Variants in FREM1 observed in about 807,000 individuals in gnomAD.
FREM1 encodes FRAS1 related extracellular matrix 1, also known as FRAS1-related extracellular matrix protein 1.
FREM1 carries 220 observed loss-of-function variants against 210.1 expected under a neutral mutation model. That is an observed-to-expected ratio of 1.05 (90% CI 0.94 to 1.17). FREM1 has a LOEUF of 1.17. Among genes scored for constraint, FREM1 ranks in the 50% most tolerant of loss-of-function variants. FREM1 has a pLI of 0.00. For missense variants in FREM1, 3,454 were observed against 2,675.5 expected, an observed-to-expected ratio of 1.29 and a Z score of -6.42; for synonymous variants, 1,189 against 980.2, an observed-to-expected ratio of 1.21 and a Z score of -3.98.
rs139825561 is a variant in FREM1 at position 14,836,094 on chromosome 9, G to T, written c.1881+5353C>A. 3.9e-5 allele frequency among the ~76,000 whole-genome samples: 6 copies of T among 152,320 alleles called. No individual in the cohort carries two copies. Among genetic ancestry groups the T allele is most frequent in the South Asian group, 4.1e-4 (2 of 4,828 alleles). On this transcript the variant is annotated intron_variant, in intron 10 of 36. Transcript: ENST00000380880. The surrounding 1 kb of genome is among the most constrained non-coding windows in gnomAD (Gnocchi z 4.9). The stretch of plus-strand genomic sequence containing the variant: ...GTGCCCATAACTCTGAGCTTTCTTT[G>T]TTTGGGAAAATAAAACCAAGGAACT...
In FREM1 at chr9:14,748,458, G is replaced by C; in HGVS notation, c.5739C>G (p.Gly1913=). 2 of 1,613,732 alleles carry C rather than the reference G, an allele frequency of 1.2e-6. No individual in the cohort carries two copies. Among genetic ancestry groups the C allele is most frequent in the Non-Finnish European group, 1.7e-6 (2 of 1,179,760 alleles). ...LAVIRGDTLR[G]FDSTDLSQRK... ...TTTGAGAAAGATCTGTAGAATCAAAGCCCCGCAGGGTGTCTCCCCTGATGA... is the reference window on the plus strand; with the variant it reads ...TTTGAGAAAGATCTGTAGAATCAAACCCCCGCAGGGTGTCTCCCCTGATGA... The change falls in exon 31 of 37, where the codon GGC becomes GGG. Residue 1913 remains glycine (G), a synonymous_variant. Coordinates refer to ENST00000380880, the MANE Select transcript of FREM1 (RefSeq NM_001379081.2).
At chr9:14,827,750 C>T (rs781033191) in intron 10 of FREM1, among the ~76,000 whole-genome samples, 15 of 152,176 alleles carry the variant, frequency 9.9e-5, no homozygotes, top group Non-Finnish European at 1.3e-4. Flanking sequence ...AATGCCAGGG[C>T]CTTGAGGACA....
chr9:14,801,252 T>C (rs1817233821), intron 20 of FREM1, among the ~76,000 whole-genome samples: 1 of 152,116 alleles, frequency 6.6e-6, no homozygotes, highest in Non-Finnish European at 1.5e-5. Context: ...CCTGTCTTCG[T>C]CTCCCAAAGT....
At chr9:14,809,936 C>A (rs994831004) in intron 16 of FREM1, among the ~76,000 whole-genome samples, 1 of 152,032 alleles carries the variant, frequency 6.6e-6, no homozygotes, top group African/African-American at 2.4e-5. Flanking sequence ...CATGAAATTG[C>A]TACTATTAAA....
chr9:14,796,840 C>A (rs937080793), intron 21 of FREM1, among the ~76,000 whole-genome samples: 1 of 152,200 alleles, frequency 6.6e-6, no homozygotes. Context: ...AACCTCTTTT[C>A]TTTATAAGTT....
At chr9:14,755,456 T>G (rs1027867045) in intron 29 of FREM1, among the ~76,000 whole-genome samples, 2 of 152,166 alleles carry the variant, frequency 1.3e-5, no homozygotes, top group Admixed American at 6.5e-5. Context: ...CACAGTCCTG[T>G]CTGCTTCTCC....
chr9:14,908,073 G>T (rs937986898), intron 1 of FREM1, among the ~76,000 whole-genome samples: 2 of 152,112 alleles, frequency 1.3e-5, no homozygotes, highest in African/African-American at 4.8e-5. Flanking sequence ...AATGAGGAAA[G>T]AAAAGAAAGC....
intron 1 of FREM1, among the ~76,000 whole-genome samples, chr9:14,877,227 T>C (rs906750889): frequency 3.3e-5 from 5 of 152,030 alleles, no homozygotes; most frequent in African/African-American, 1.2e-4. Flanking sequence ...ACCTCTAGCC[T>C]GGACCCTCTT....
At chr9:14,776,240 T>C (rs768886998) in intron 24 of FREM1, 37 bp from the exon 25 acceptor site, 1 of 1,504,984 alleles carries the variant, frequency 6.6e-7, no homozygotes, top group Admixed American at 2.3e-5. Flanking sequence ...CAGCATGGAT[T>C]CTTGTGTCAC....
intron 24 of FREM1, among the ~76,000 whole-genome samples, chr9:14,782,149 C>A (rs1371116967): frequency 1.3e-5 from 2 of 152,204 alleles, no homozygotes; most frequent in Non-Finnish European, 2.9e-5. Flanking sequence ...ACTGGACTTA[C>A]CAAAGTTGCC....
chr9:14,770,406 G>T (rs915535072), intron 26 of FREM1, among the ~76,000 whole-genome samples, 199 bp downstream of exon 26: 1 of 152,082 alleles, frequency 6.6e-6, no homozygotes, highest in Non-Finnish European at 1.5e-5. Flanking sequence ...TCAGTATTTG[G>T]TTCTTCCAGT....
chr9:14,859,179 A>C lies in FREM1; in HGVS notation c.631+4T>G. 6.4e-7 allele frequency: 1 copy of C among 1,568,498 alleles called. No individual in the cohort carries two copies. Among genetic ancestry groups the C allele is most frequent in the East Asian group, 2.2e-5 (1 of 44,490 alleles). On this transcript the variant is annotated splice_donor_region_variant and intron_variant, in intron 4 of 36. Coordinates refer to ENST00000380880, the MANE Select transcript of FREM1 (RefSeq NM_001379081.2). The stretch of plus-strand genomic sequence containing the variant: ...ACCCAGAAAGGCATTAAAAGACATC[A>C]TACGGGACTCTGGGAAAAAACTGTG...
chr9:14,840,449 A>G (rs1398377945), intron 10 of FREM1, among the ~76,000 whole-genome samples: 1 of 152,210 alleles, frequency 6.6e-6, no homozygotes, highest in Non-Finnish European at 1.5e-5. Flanking sequence ...GGCAGAAGGC[A>G]AAAAGGATCA....
chr9:14,857,716 C>T lies in FREM1; in HGVS notation c.665G>A (p.Ser222Asn), dbSNP rs774163557. ...LRAKLKCPGG[S>N]CTPGLKKIGS... ...TATTTTCTTTAATCCTGGGGTACAGCTCCCACCTGGACACTTCAGTTTTGC... is the reference window on the plus strand; with the variant it reads ...TATTTTCTTTAATCCTGGGGTACAGTTCCCACCTGGACACTTCAGTTTTGC... The change falls in exon 5 of 37, where the codon AGC (serine) becomes AAC (asparagine). Residue 222 changes from serine to asparagine, a missense_variant. Ser to Asn is a conservative substitution (Grantham distance 46, BLOSUM62 1). Coordinates refer to ENST00000380880, the MANE Select transcript of FREM1 (RefSeq NM_001379081.2). 6 of 1,611,836 alleles carry T rather than the reference C, an allele frequency of 3.7e-6. No individual in the cohort carries two copies. Among genetic ancestry groups the T allele is most frequent in the Non-Finnish European group, 5.1e-6 (6 of 1,178,816 alleles).
intron 35 of FREM1, among the ~76,000 whole-genome samples, chr9:14,740,571 T>C (rs1841390419): frequency 6.6e-6 from 1 of 152,212 alleles, no homozygotes; most frequent in Non-Finnish European, 1.5e-5. Context: ...AAAATACTAT[T>C]CTTCTCATAA....
At chr9:14,759,748 T>C (rs2132256161) in intron 28 of FREM1, 24 bp downstream of exon 28, 1 of 1,546,324 alleles carries the variant, frequency 6.5e-7, no homozygotes, top group Non-Finnish European at 8.7e-7. Context: ...TTTAGCTTGA[T>C]AATTTACATT....
chr9:14,778,462 T>G (rs1157808912), intron 24 of FREM1, among the ~76,000 whole-genome samples: 1 of 149,414 alleles, frequency 6.7e-6, no homozygotes, highest in Non-Finnish European at 1.5e-5. Flanking sequence ...AATACAAAAT[T>G]TAGCTGGGTG....
intron 6 of FREM1, among the ~76,000 whole-genome samples, chr9:14,849,426 C>T (rs77485157): frequency 1.9e-3 from 284 of 152,220 alleles, no homozygotes; most frequent in African/African-American, 6.2e-3. Context: ...GTAGGGGCTG[C>T]GTGATAAGTT....
chr9:14,759,707 A>G lies in FREM1; in HGVS notation c.5334+65T>C, dbSNP rs914091467. 27 of 1,383,252 alleles carry G rather than the reference A, an allele frequency of 2.0e-5. No individual in the cohort carries two copies. In the African/African-American group the frequency reaches 2.2e-4, roughly 11 times the overall value. The allele number at this position is 1,383,252 out of a possible 1,614,324, so 85.7% of individuals were successfully genotyped here. A position where few individuals can be genotyped will look rare whatever the true frequency, so the allele number is the denominator to read the frequency against. ...CACTCTGAATTTTTCTAAAAAAAAT[A>G]TAATGAAAGACACCAAAGAACAACA... is the stretch of plus-strand genomic sequence containing the variant. On this transcript the variant is annotated intron_variant, in intron 28 of 36. Transcript: ENST00000380880.
Sources: allele counts gnomAD v4.1 joint callset (sites outside exome capture counted in the v4.1 genomes callset), GRCh38; gene constraint gnomAD v4.1.1; non-coding constraint Gnocchi (gnomAD v3.1); transcripts MANE v1.5; gene names NCBI Gene and HGNC (gene_info 2026-07-23, HGNC 2026-07-21).